Variants in RALGAPA2 observed in about 807,000 individuals in gnomAD.
RALGAPA2 encodes ral GTPase-activating protein subunit alpha-2.
RALGAPA2 carries 139 observed loss-of-function variants against 230.4 expected under a neutral mutation model. The observed-to-expected ratio is 0.60, with a 90% CI of 0.53 to 0.69. The LOEUF is 0.69. Among genes scored for constraint, RALGAPA2 ranks in the 30% least tolerant of loss-of-function variants. The pLI is 0.00. For synonymous variants in RALGAPA2, 847 were observed against 837.8 expected (o/e 1.01, Z -0.19); for missense variants, 2,163 against 2,276.0 (o/e 0.95, Z 1.01).
intron 33 of RALGAPA2, 70 bp from the exon 34 acceptor site, chr20:20,505,604 C>T: frequency 7.6e-7 from 1 of 1,315,608 alleles, no homozygotes; most frequent in South Asian, 1.5e-5. Flanking sequence ...CTATTAATAC[C>T]ACCAGCATGA....
chr20:20,575,512 G>C (rs2064791171), intron 20 of RALGAPA2, among the ~76,000 whole-genome samples: 1 of 151,614 alleles, frequency 6.6e-6, no homozygotes, highest in Admixed American at 6.6e-5. Flanking sequence ...GCACTCAGAC[G>C]TGTTGGTGAC....
chr20:20,487,140 A>C (rs1461575282), intron 36 of RALGAPA2, among the ~76,000 whole-genome samples: 1 of 152,104 alleles, frequency 6.6e-6, no homozygotes, highest in African/African-American at 2.4e-5. Context: ...CTTTTTGTTG[A>C]AAGCTGGATA....
chr20:20,572,678 C>T (rs2064684054), intron 21 of RALGAPA2, among the ~76,000 whole-genome samples, 197 bp downstream of exon 21: 1 of 152,068 alleles, frequency 6.6e-6, no homozygotes, highest in South Asian at 2.1e-4. Context: ...TCTACTTTTG[C>T]ACTAAATGAA....
At chr20:20,645,118 T>TTC (rs2067165520) in intron 4 of RALGAPA2, among the ~76,000 whole-genome samples, 1 of 138,076 alleles carries the variant, frequency 7.2e-6, no homozygotes, top group African/African-American at 2.7e-5. Context: ...TTTTTTTTTT[T>TTC]TTTTTTTTTT....
rs2060715442 is a variant in RALGAPA2, at chr20:20,440,545, C to CT, written c.5496-28398dup. Among the ~76,000 whole-genome samples the CT allele has an allele frequency of 3.9e-5, 6 of 152,324 alleles. No homozygotes were observed. The South Asian group carries it at 1.2e-3, about 32-fold the overall frequency. ...CCTAATTGCGCAGACAGCATCGGAG[C>CT]TTTGTCAGCTTTACCTGCTCTGAAT... On this transcript the variant is annotated intron_variant, in intron 37 of 39. Coordinates refer to ENST00000202677, the MANE Select transcript of RALGAPA2 (RefSeq NM_020343.4).
chr20:20,621,002 G>C (rs6046967), intron 10 of RALGAPA2, among the ~76,000 whole-genome samples: 29 of 151,888 alleles, frequency 1.9e-4, no homozygotes, highest in South Asian at 6.2e-4. Flanking sequence ...TTAGCTGTGC[G>C]TGGTGGCGTG....
chr20:20,411,988 G>A lies in RALGAPA2; in HGVS notation c.5617+39C>T, dbSNP rs201317142. 3.5e-4 allele frequency: 570 copies of A among 1,612,036 alleles called. 2 individuals carry two copies. The highest frequency in any genetic ancestry group is 1.6e-4 in the Middle Eastern group (1 of 6,072). ...AGGTGTACATCTGCTGCTCGAATGC[G>A]TCTTAAGCGCGTGAGAGAAGAATAA... On this transcript the variant is annotated intron_variant, in intron 38 of 39. Transcript: ENST00000202677.
At position 20,454,290 on chromosome 20, in the gene RALGAPA2, T is replaced by C. The variant is rs115453209; in HGVS notation, c.5495+18539A>G. On this transcript the variant is annotated intron_variant, in intron 37 of 39. Coordinates refer to ENST00000202677, the MANE Select transcript of RALGAPA2 (RefSeq NM_020343.4). ...GGAGAGACCTTTGTGTAAAATACAGTGTGTCATTCACTAATGAATTTGAGC... is the reference window on the plus strand; with the variant it reads ...GGAGAGACCTTTGTGTAAAATACAGCGTGTCATTCACTAATGAATTTGAGC... Among the ~76,000 whole-genome samples, 733 of 152,262 alleles carry C rather than the reference T, an allele frequency of 4.8e-3. 8 individuals are homozygous for C. Among genetic ancestry groups the C allele is most frequent in the African/African-American group, 0.017 (708 of 41,536 alleles).
chr20:20,479,611 G>C (rs1398022655), intron 36 of RALGAPA2, among the ~76,000 whole-genome samples: 1 of 152,174 alleles, frequency 6.6e-6, no homozygotes, highest in Non-Finnish European at 1.5e-5. Flanking sequence ...AGCAATCCTG[G>C]AATAGAAGGG....
chr20:20,444,152 C>T (rs565200962), intron 37 of RALGAPA2, among the ~76,000 whole-genome samples: 1 of 152,336 alleles, frequency 6.6e-6, no homozygotes, highest in South Asian at 2.1e-4. Flanking sequence ...AACACACACA[C>T]ACTTCCTCTG....
At position 20,596,005 on chromosome 20, in the gene RALGAPA2, A is replaced by G. The variant is rs572988378; in HGVS notation, c.2204-4691T>C. Among the ~76,000 whole-genome samples the G allele has an allele frequency of 1.8e-4, 27 of 152,266 alleles. No homozygotes were observed. The South Asian group carries it at 5.4e-3, about 30-fold the overall frequency. ...AACAAAAAAACTGTAGAACAGCTGG[A>G]AAGAACTGTTCTCACGAAGGGAAAA... On this transcript the variant is annotated intron_variant, in intron 16 of 39. Transcript: ENST00000202677.
At chr20:20,548,752 C>T (rs2063841599) in intron 23 of RALGAPA2, among the ~76,000 whole-genome samples, 1 of 152,136 alleles carries the variant, frequency 6.6e-6, no homozygotes, top group Admixed American at 6.5e-5. Context: ...AAAAGATCCA[C>T]CTTTTTCATA....
At chr20:20,516,981 AC>A (rs2062891420) in intron 31 of RALGAPA2, among the ~76,000 whole-genome samples, 1 of 152,090 alleles carries the variant, frequency 6.6e-6, no homozygotes, top group Non-Finnish European at 1.5e-5. Context: ...CTGCACCTCT[AC>A]CCCAACAGGC....
chr20:20,483,117 A>G (rs2061820877), intron 36 of RALGAPA2, among the ~76,000 whole-genome samples: 1 of 152,224 alleles, frequency 6.6e-6, no homozygotes, highest in Non-Finnish European at 1.5e-5. Flanking sequence ...AAGGCTGCAG[A>G]TCTGTTGGGT....
Position 20,674,402 on chromosome 20 carries a change from A to T in RALGAPA2, c.270+1834T>A, listed in dbSNP as rs369598807. ...ACAAAGTTATTTAATTTGATAGAGA[A>T]TCTACCAAAAAGTTACAGAGAATAT... On this transcript the variant is annotated intron_variant, in intron 3 of 39. Coordinates refer to ENST00000202677, the MANE Select transcript of RALGAPA2 (RefSeq NM_020343.4). Among the ~76,000 whole-genome samples the T allele has an allele frequency of 2.6e-5, 4 of 152,254 alleles. No individual in the cohort carries two copies. The East Asian group carries it at 5.8e-4, about 22-fold the overall frequency.
intron 37 of RALGAPA2, among the ~76,000 whole-genome samples, chr20:20,413,161 T>C (rs1435174184): frequency 1.3e-5 from 2 of 152,232 alleles, no homozygotes; most frequent in Admixed American, 1.3e-4. Context: ...ACACAGGGAA[T>C]GCGGATCACC....
At position 20,512,932 on chromosome 20, in the gene RALGAPA2, T is replaced by G; in HGVS notation, c.4437A>C (p.Gly1479=). ...TGGGTGCTAAGCAGCCTTCCAAAGG[T>G]CCATATAAAACCTTACCATCCCAAG... The part of the protein sequence containing the change: ...KYSWDGKVLY[G]PLEGCLAPNG... Residue 1479 remains glycine, a synonymous_variant, in exon 32 of 40, where the codon GGA becomes GGC. Transcript: ENST00000202677. 6.2e-7 allele frequency: 1 copy of G among 1,613,680 alleles called. No homozygotes were observed. Among genetic ancestry groups the G allele is most frequent in the Non-Finnish European group, 8.5e-7 (1 of 1,179,696 alleles).
At chr20:20,627,661 T>C (rs992382124) in intron 10 of RALGAPA2, among the ~76,000 whole-genome samples, 2 of 152,246 alleles carry the variant, frequency 1.3e-5, no homozygotes, top group African/African-American at 4.8e-5. Flanking sequence ...GCACACTTTC[T>C]GTGCAGCAGA....
At chr20:20,494,801 A>G (rs2062156874) in intron 36 of RALGAPA2, among the ~76,000 whole-genome samples, 1 of 152,226 alleles carries the variant, frequency 6.6e-6, no homozygotes, top group Non-Finnish European at 1.5e-5. Flanking sequence ...AACATAACCA[A>G]AATTTCAAGA....
Sources: gnomAD v4.1 joint callset for allele counts (sites outside exome capture counted in the v4.1 genomes callset) on GRCh38, gnomAD v4.1.1 for gene constraint, MANE v1.5 for transcripts, NCBI Gene and HGNC (gene_info 2026-07-23, HGNC 2026-07-21) for gene names.